The following SPAG16 variants were observed in gnomAD, a reference collection of about 807,000 sequenced individuals.
SPAG16 encodes the protein sperm-associated antigen 16 protein.
SPAG16 carries 86 observed loss-of-function variants against 80.4 expected under a neutral mutation model. The ratio of observed to expected loss-of-function variants is 1.07; its 90% CI spans 0.90 to 1.28. The LOEUF (loss-of-function observed/expected upper bound fraction) is 1.28. SPAG16 is among the 50% of genes most tolerant of loss of function. The pLI is 0.00. For synonymous variants in SPAG16, 294 were observed against 265.9 expected (o/e 1.11, Z -1.03); for missense variants, 870 against 765.3 (o/e 1.14, Z -1.61).
chr2:214,127,889 G>T (rs2054573672), intron 14 of SPAG16, among the ~76,000 whole-genome samples: 2 of 151,892 alleles, frequency 1.3e-5, no homozygotes, highest in African/African-American at 4.8e-5. Context: ...TGGTCAGTTT[G>T]TTATAACAAA....
At chr2:213,671,347 GC>G (rs1157416085) in intron 10 of SPAG16, among the ~76,000 whole-genome samples, 1 of 152,168 alleles carries the variant, frequency 6.6e-6, no homozygotes, top group Non-Finnish European at 1.5e-5. Context: ...GTCCAAAGCA[GC>G]CCTTTTGGCT....
intron 15 of SPAG16, among the ~76,000 whole-genome samples, chr2:214,274,189 A>G (rs955800583): frequency 3.3e-5 from 5 of 152,108 alleles, no homozygotes; most frequent in African/African-American, 1.2e-4. Context: ...GCTTAAGGAG[A>G]TTTTGCGCTG....
chr2:214,214,568 G>A (rs1301199962), intron 15 of SPAG16, among the ~76,000 whole-genome samples: 1 of 151,900 alleles, frequency 6.6e-6, no homozygotes, highest in African/African-American at 2.4e-5. Flanking sequence ...CTATTCCAAT[G>A]CCTATTCTTA....
chr2:214,055,785 A>G (rs1389174887), intron 13 of SPAG16, among the ~76,000 whole-genome samples: 1 of 152,196 alleles, frequency 6.6e-6, no homozygotes, highest in Non-Finnish European at 1.5e-5. Context: ...ACTTCTAACC[A>G]TACACTCTTA....
chr2:214,190,143 A>G (rs1021815137), intron 15 of SPAG16, among the ~76,000 whole-genome samples: 9 of 152,082 alleles, frequency 5.9e-5, no homozygotes, highest in Admixed American at 5.9e-4. Flanking sequence ...CAGTCATACT[A>G]CAATGTTACT....
intron 6 of SPAG16, among the ~76,000 whole-genome samples, chr2:213,347,832 C>T (rs914588326): frequency 3.2e-4 from 48 of 151,994 alleles, no homozygotes; most frequent in Admixed American, 8.5e-4. Flanking sequence ...GGAATAAGTA[C>T]GGTGTGGTGC....
chr2:213,928,359 T>A (rs980417371), intron 11 of SPAG16, among the ~76,000 whole-genome samples: 3 of 152,050 alleles, frequency 2.0e-5, no homozygotes, highest in African/African-American at 7.2e-5. Context: ...CCCAAAGTGC[T>A]GGGATTACAG....
intron 10 of SPAG16, among the ~76,000 whole-genome samples, chr2:213,639,557 T>C (rs1368374578): frequency 6.6e-6 from 1 of 152,200 alleles, no homozygotes; most frequent in Non-Finnish European, 1.5e-5. Context: ...TTAAGGAGGC[T>C]AAAGATAGGA....
chr2:214,248,617 G>C (rs1002784989), intron 15 of SPAG16, among the ~76,000 whole-genome samples: 10 of 151,832 alleles, frequency 6.6e-5, no homozygotes, highest in African/African-American at 2.4e-4. Flanking sequence ...ATGCCCGGCC[G>C]TGCTAGGCAC....
intron 15 of SPAG16, among the ~76,000 whole-genome samples, chr2:214,348,864 T>C (rs1698223728): frequency 1.3e-5 from 2 of 152,214 alleles, no homozygotes; most frequent in Non-Finnish European, 2.9e-5. Context: ...TTTGGAGCAG[T>C]TTGTTACACA....
At chr2:213,589,083 A>G (rs1477375645) in intron 10 of SPAG16, among the ~76,000 whole-genome samples, 3 of 152,170 alleles carry the variant, frequency 2.0e-5, no homozygotes, top group African/African-American at 4.8e-5. Context: ...AGCAAAAAGT[A>G]TAGTAAACTG....
At chr2:213,331,013 C>G (rs1379331184) in intron 5 of SPAG16, among the ~76,000 whole-genome samples, 1 of 152,214 alleles carries the variant, frequency 6.6e-6, no homozygotes, top group Non-Finnish European at 1.5e-5. Context: ...ACTGTTAAGT[C>G]CATTAAACCT....
intron 13 of SPAG16, among the ~76,000 whole-genome samples, chr2:214,107,472 C>T (rs6704895): frequency 0.018 from 2,739 of 152,154 alleles, 83 homozygotes; most frequent in African/African-American, 0.063. Flanking sequence ...CAAGAATGCC[C>T]GTTGAACACT....
At chr2:213,846,712 T>C (rs575247712) in intron 10 of SPAG16, among the ~76,000 whole-genome samples, 2 of 152,324 alleles carry the variant, frequency 1.3e-5, no homozygotes, top group East Asian at 1.9e-4. Flanking sequence ...AATTTAAATT[T>C]AATTTCCTTT....
At chr2:213,286,855 A>G (rs2062073860) in intron 1 of SPAG16, among the ~76,000 whole-genome samples, 1 of 152,096 alleles carries the variant, frequency 6.6e-6, no homozygotes, top group African/African-American at 2.4e-5. Flanking sequence ...TGAATAGACT[A>G]ATGTCCAAAC....
intron 9 of SPAG16, among the ~76,000 whole-genome samples, chr2:213,377,942 G>C (rs6747335): frequency 0.06 from 8,928 of 148,900 alleles, 895 homozygotes; most frequent in African/African-American, 0.21. Context: ...GAACTAATAA[G>C]ATATATATGG....
intron 10 of SPAG16, among the ~76,000 whole-genome samples, chr2:213,807,901 T>C (rs926814295): frequency 5.3e-5 from 8 of 152,226 alleles, no homozygotes; most frequent in Admixed American, 3.9e-4. Context: ...AACTTAAATA[T>C]GACTGTGATG....
chr2:213,455,915 T>G (rs543661257), intron 9 of SPAG16, among the ~76,000 whole-genome samples: 2 of 152,300 alleles, frequency 1.3e-5, no homozygotes, highest in East Asian at 3.9e-4. Flanking sequence ...GCACCACTCC[T>G]GCATGCCTTC....
chr2:213,521,987 C>G (rs1369787852), intron 10 of SPAG16, among the ~76,000 whole-genome samples: 5 of 152,148 alleles, frequency 3.3e-5, no homozygotes, highest in Non-Finnish European at 2.9e-5. Flanking sequence ...GATGATGCAG[C>G]CTTATAAGCA....
Sources: allele counts gnomAD v4.1 joint callset (sites outside exome capture counted in the v4.1 genomes callset), GRCh38; gene constraint gnomAD v4.1.1; transcripts MANE v1.5; gene names NCBI Gene and HGNC (gene_info 2026-07-23, HGNC 2026-07-21).